LDB2: variants seen among roughly 807,000 people sequenced by gnomAD.
The protein encoded by LDB2 is LIM domain binding 2, also known as LIM domain-binding protein 2.
Under a neutral mutation model 44.3 loss-of-function variants are expected in LDB2, and 12 were observed. That is an observed-to-expected ratio of 0.27 (90% CI 0.17 to 0.44). The LOEUF (loss-of-function observed/expected upper bound fraction) is 0.44. Among genes scored for constraint, LDB2 ranks in the 20% least tolerant of loss-of-function variants. The pLI is 1.00. For synonymous variants in LDB2, 164 were observed against 174.8 expected (o/e 0.94, Z 0.49); for missense variants, 344 against 473.5 (o/e 0.73, Z 2.54).
At chr4:16,560,535 A>G (rs1385221530) in intron 5 of LDB2, among the ~76,000 whole-genome samples, 2 of 152,228 alleles carry the variant, frequency 1.3e-5, no homozygotes, top group African/African-American at 4.8e-5. Context: ...TGAATCTCTG[A>G]ATAGACCAAT....
intron 7 of LDB2, among the ~76,000 whole-genome samples, chr4:16,504,736 G>C (rs1021131604): frequency 1.3e-5 from 2 of 152,216 alleles, no homozygotes; most frequent in Non-Finnish European, 2.9e-5. Flanking sequence ...AGTGTTACCT[G>C]TTTGGGGATG....
At chr4:16,671,514 C>T (rs1326405127) in intron 2 of LDB2, among the ~76,000 whole-genome samples, 1 of 152,150 alleles carries the variant, frequency 6.6e-6, no homozygotes, top group African/African-American at 2.4e-5. Context: ...AGAGCCCAAG[C>T]CTGGTCCAGT....
Position 16,835,493 on chromosome 4 carries a change from T to C in LDB2, c.132+62861A>G, listed in dbSNP as rs191180455. On this transcript the variant is annotated intron_variant, in intron 1 of 7. Transcript: ENST00000304523. ...TATTGCTGAGTGGTGTGTCATTGTA[T>C]GTACAGATCCAAATTGTTCATCCAT... Among the ~76,000 whole-genome samples, 623 of 152,372 alleles carry C rather than the reference T, an allele frequency of 4.1e-3. 6 individuals are homozygous for C. The highest frequency in any genetic ancestry group is 4.4e-3 in the Non-Finnish European group (300 of 68,030).
intron 1 of LDB2, among the ~76,000 whole-genome samples, chr4:16,808,268 G>A (rs1779156792): frequency 6.6e-6 from 1 of 152,178 alleles, no homozygotes; most frequent in South Asian, 2.1e-4. Context: ...TCTAGACAGA[G>A]CTCCCCAAGA....
chr4:16,749,979 C>T (rs922614533), intron 2 of LDB2, among the ~76,000 whole-genome samples: 6 of 152,036 alleles, frequency 3.9e-5, no homozygotes, highest in South Asian at 2.1e-4. Context: ...CTCCATGCCT[C>T]GTTGTACTTT....
intron 5 of LDB2, among the ~76,000 whole-genome samples, chr4:16,530,658 C>T (rs375888075): frequency 9.2e-5 from 14 of 152,186 alleles, no homozygotes; most frequent in East Asian, 3.9e-4. Context: ...ATCTTTTGCA[C>T]GATACAGGCT....
At chr4:16,888,504 A>T (rs1443842809) in intron 1 of LDB2, among the ~76,000 whole-genome samples, 1 of 152,224 alleles carries the variant, frequency 6.6e-6, no homozygotes, top group Non-Finnish European at 1.5e-5. Context: ...CCTGCCATAT[A>T]ACAGTGAAAA....
chr4:16,845,301 C>A (rs1786747912), intron 1 of LDB2, among the ~76,000 whole-genome samples: 2 of 152,178 alleles, frequency 1.3e-5, no homozygotes, highest in Admixed American at 1.3e-4. Context: ...AACTGCAATG[C>A]ATGTCATCGA....
At chr4:16,775,100 T>A (rs954946296) in intron 1 of LDB2, among the ~76,000 whole-genome samples, 1 of 152,236 alleles carries the variant, frequency 6.6e-6, no homozygotes. Context: ...TTTTATTACC[T>A]GTGTGATCTC....
intron 2 of LDB2, among the ~76,000 whole-genome samples, chr4:16,754,124 A>C (rs1281891588): frequency 1.3e-5 from 2 of 152,210 alleles, no homozygotes; most frequent in African/African-American, 4.8e-5. Flanking sequence ...CACATAGTTT[A>C]ACCAAGTGTT....
At chr4:16,688,045 G>T (rs78230863) in intron 2 of LDB2, among the ~76,000 whole-genome samples, 5,545 of 152,188 alleles carry the variant, frequency 0.036, 256 homozygotes, top group African/African-American at 0.11. Flanking sequence ...TTATGAGTCA[G>T]ATAAAGAAAA....
At chr4:16,632,267 G>A (rs1275505986) in intron 2 of LDB2, among the ~76,000 whole-genome samples, 2 of 152,316 alleles carry the variant, frequency 1.3e-5, no homozygotes, top group East Asian at 3.9e-4. Flanking sequence ...TGGGATGCAA[G>A]GCTGGTTCAA....
At chr4:16,647,894 T>C (rs1737215364) in intron 2 of LDB2, among the ~76,000 whole-genome samples, 1 of 152,222 alleles carries the variant, frequency 6.6e-6, no homozygotes, top group African/African-American at 2.4e-5. Context: ...TTTTAGAGTA[T>C]TTATAACCAA....
intron 2 of LDB2, among the ~76,000 whole-genome samples, chr4:16,744,467 A>G (rs998459681): frequency 3.7e-5 from 5 of 136,268 alleles, no homozygotes; most frequent in African/African-American, 1.4e-4. Context: ...AAGTCACGTG[A>G]TTTTTTTTTG....
chr4:16,756,481 C>A (rs143829119), intron 2 of LDB2, among the ~76,000 whole-genome samples: 56 of 152,092 alleles, frequency 3.7e-4, no homozygotes, highest in African/African-American at 1.3e-3. Context: ...CAGATCGTAA[C>A]CCAGAGTTTG....
chr4:16,615,847 C>T (rs1239376965), intron 2 of LDB2, among the ~76,000 whole-genome samples: 2 of 152,172 alleles, frequency 1.3e-5, no homozygotes, highest in African/African-American at 4.8e-5. Flanking sequence ...GCCATGGGGT[C>T]AAGAGTGGGG....
chr4:16,587,921 A>T (rs79943464), intron 4 of LDB2, among the ~76,000 whole-genome samples: 1 of 152,174 alleles, frequency 6.6e-6, no homozygotes, highest in Non-Finnish European at 1.5e-5. Context: ...GTAAAAAAAA[A>T]TCAGTAAATG....
rs531145615 is a variant in LDB2, at chr4:16,524,967, C to T, written c.616-12863G>A. Reference sequence around the variant, plus strand: ...TACTTACGGTAAGGTAATATTTAAACACTAACATTTATAAATGCAGCTTTA... The same window carrying T: ...TACTTACGGTAAGGTAATATTTAAATACTAACATTTATAAATGCAGCTTTA... On this transcript the variant is annotated intron_variant, in intron 5 of 7. Transcript: ENST00000304523. 3.5e-4 allele frequency among the ~76,000 whole-genome samples: 53 copies of T among 152,338 alleles called. 1 individual carries two copies. The highest frequency in any genetic ancestry group is 1.0e-3 in the African/African-American group (43 of 41,574).
chr4:16,514,378 G>A (rs1006822648), intron 5 of LDB2, among the ~76,000 whole-genome samples: 11 of 152,214 alleles, frequency 7.2e-5, no homozygotes, highest in African/African-American at 2.6e-4. Context: ...AGAATTTGAG[G>A]TCCACTTACC....
Sources: gnomAD v4.1 joint callset for allele counts (sites outside exome capture counted in the v4.1 genomes callset) on GRCh38, gnomAD v4.1.1 for gene constraint, MANE v1.5 for transcripts, NCBI Gene and HGNC (gene_info 2026-07-23, HGNC 2026-07-21) for gene names.